The following CLVS1 variants were observed in gnomAD, a reference collection of about 807,000 sequenced individuals.
The protein encoded by CLVS1 is clavesin-1.
A neutral mutation model predicts 33.1 loss-of-function variants in CLVS1; 10 were observed. The ratio of observed to expected loss-of-function variants is 0.30; its 90% CI spans 0.19 to 0.51. The LOEUF (loss-of-function observed/expected upper bound fraction) is 0.51, where lower values mean the gene tolerates loss of function less well. CLVS1 is among the 20% of genes least tolerant of loss of function. The pLI is 0.97. For synonymous variants in CLVS1, 163 were observed against 166.1 expected (o/e 0.98, Z 0.14); for missense variants, 343 against 433.4 (o/e 0.79, Z 1.85).
At chr8:61,433,834 A>ACC (rs772633186) in intron 3 of CLVS1, among the ~76,000 whole-genome samples, 4 of 152,268 alleles carry the variant, frequency 2.6e-5, no homozygotes, top group Non-Finnish European at 4.4e-5. Flanking sequence ...GAATTGCTTA[A>ACC]ACCCAGGAAG....
At chr8:61,127,543 G>GA (rs949441933) in intron 1 of CLVS1, among the ~76,000 whole-genome samples, 1 of 151,644 alleles carries the variant, frequency 6.6e-6, no homozygotes, top group African/African-American at 2.4e-5. Context: ...TTAAGCCTCA[G>GA]AAAAAAAGTA....
chr8:61,208,079 C>A (rs144815388), intron 2 of CLVS1, among the ~76,000 whole-genome samples: 3 of 152,088 alleles, frequency 2.0e-5, no homozygotes, highest in African/African-American at 4.8e-5. Flanking sequence ...CTTTTCTCAA[C>A]GAGTCTTGGT....
At chr8:61,131,942 G>A (rs1806106938) in intron 2 of CLVS1, 1 of 152,238 alleles carries the variant, frequency 6.6e-6, no homozygotes, top group Admixed American at 6.5e-5. Flanking sequence ...TATTAATGGA[G>A]GCTCTTCCCC....
intron 1 of CLVS1, among the ~76,000 whole-genome samples, chr8:61,105,548 G>T (rs1219866508): frequency 6.6e-6 from 1 of 152,178 alleles, no homozygotes; most frequent in African/African-American, 2.4e-5. Flanking sequence ...GGAGAATGGG[G>T]CCAAGGGCAG....
At chr8:61,285,591 C>T (rs1809760081), upstream of CLVS1, among the ~76,000 whole-genome samples, 1 of 152,184 alleles carries the variant, frequency 6.6e-6, no homozygotes. Flanking sequence ...TGACCTCGCT[C>T]CTGGCACGCC....
chr8:61,142,693 C>T lies in CLVS1; in HGVS notation c.-152+10833C>T, dbSNP rs149654167. 1.1e-3 allele frequency among the ~76,000 whole-genome samples: 167 copies of T among 152,310 alleles called. 1 individual carries two copies. The highest frequency in any genetic ancestry group is 3.6e-3 in the African/African-American group (150 of 41,550). On this transcript the variant is annotated intron_variant, in intron 2 of 2. Transcript: ENST00000522621. Reference sequence around the variant, plus strand: ...AGCCACTGAACCTGAGCAAAACAGGCTTCTCATGCTTGTCTTGTCAACTTT... The same window carrying T: ...AGCCACTGAACCTGAGCAAAACAGGTTTCTCATGCTTGTCTTGTCAACTTT...
chr8:61,109,867 T>C (rs1805596213), intron 1 of CLVS1, among the ~76,000 whole-genome samples: 1 of 152,200 alleles, frequency 6.6e-6, no homozygotes, highest in Admixed American at 6.5e-5. Flanking sequence ...TGCCCTGCAC[T>C]GCCCCAGGAC....
At chr8:61,121,181 C>G (rs1336281380) in intron 1 of CLVS1, among the ~76,000 whole-genome samples, 1 of 151,976 alleles carries the variant, frequency 6.6e-6, no homozygotes, top group Non-Finnish European at 1.5e-5. Flanking sequence ...AAAGGGAACT[C>G]CCTGACCCCT....
intron 2 of CLVS1, among the ~76,000 whole-genome samples, chr8:61,374,496 C>T (rs1009141278): frequency 7.9e-5 from 12 of 152,136 alleles, no homozygotes; most frequent in African/African-American, 2.9e-4. Flanking sequence ...AATCTTTGCT[C>T]CCTTGTTCCT....
At chr8:61,042,548 A>G in the CLVS1 span, among the ~76,000 whole-genome samples, 9 of 100,792 alleles carry the variant, frequency 8.9e-5, no homozygotes, top group African/African-American at 5.5e-4. Context: ...TGGTTAGTAG[A>G]CAGTGTCTTT....
chr8:60,972,712 T>C, the CLVS1 span, among the ~76,000 whole-genome samples: 84,263 of 152,014 alleles, frequency 0.55, 23,718 homozygotes, highest in South Asian at 0.7. Context: ...GCAGGAGGAC[T>C]GTTTTCCACA....
At chr8:61,357,911 G>A (rs188005908) in intron 2 of CLVS1, among the ~76,000 whole-genome samples, 26 of 152,084 alleles carry the variant, frequency 1.7e-4, no homozygotes, top group African/African-American at 4.6e-4. Context: ...CTGTCTGACC[G>A]GGATTGATGA....
rs140778823 is a variant in CLVS1, at chr8:61,232,028, T to TGTTTGTTTGTTTG, written c.-151-67649_-151-67648insGTTTGTTTGTTTG. ...GAGCCCTGAGGAAAGTTGTGGTTTT[T>TGTTTGTTTGTTTG]TTTTTTTTTTTTTTTTTTTTTTGTG... On this transcript the variant is annotated intron_variant, in intron 2 of 2. Coordinates refer to the CLVS1 transcript ENST00000522621. Among the ~76,000 whole-genome samples, 113 of 114,798 alleles carry TGTTTGTTTGTTTG rather than the reference T, an allele frequency of 9.8e-4. 4 individuals carry two copies. The highest frequency in any genetic ancestry group is 2.4e-3 in the African/African-American group (61 of 25,298). 75.3% of individuals were successfully genotyped at this position (114,798 alleles called of 152,430 possible). A position where few individuals can be genotyped will look rare whatever the true frequency, so the allele number is the denominator to read the frequency against.
chr8:61,466,366 T>C (rs1284263089), intron 5 of CLVS1, among the ~76,000 whole-genome samples: 1 of 152,164 alleles, frequency 6.6e-6, no homozygotes, highest in Admixed American at 6.5e-5. Flanking sequence ...CAGGGGCTGA[T>C]TTCTGACTCT....
chr8:60,972,066 A>C, the CLVS1 span, among the ~76,000 whole-genome samples: 1 of 151,958 alleles, frequency 6.6e-6, no homozygotes, highest in Admixed American at 6.6e-5. Flanking sequence ...GTTCACTTCT[A>C]TGCTGGCTTT....
intron 5 of CLVS1, among the ~76,000 whole-genome samples, chr8:61,476,340 A>G (rs1266637831): frequency 2.0e-5 from 3 of 152,182 alleles, no homozygotes; most frequent in Non-Finnish European, 2.9e-5. Flanking sequence ...GAAGAAAGTC[A>G]TTGGTAGCTT....
intron 1 of CLVS1, among the ~76,000 whole-genome samples, chr8:61,059,475 C>CATATATGTATATATATATATAT (rs1554530492): frequency 4.0e-5 from 2 of 50,214 alleles, no homozygotes; most frequent in Non-Finnish European, 8.0e-5. Context: ...TACATACATA[C>CATATATGTATATATATATATAT]ATATATATAT....
At chr8:61,139,585 C>A (rs986237959) in intron 2 of CLVS1, among the ~76,000 whole-genome samples, 1 of 152,006 alleles carries the variant, frequency 6.6e-6, no homozygotes, top group Non-Finnish European at 1.5e-5. Flanking sequence ...ACCCAGGGCC[C>A]GTGCAGAAGG....
At chr8:61,082,769 G>A (rs894607785) in intron 1 of CLVS1, among the ~76,000 whole-genome samples, 1 of 152,186 alleles carries the variant, frequency 6.6e-6, no homozygotes, top group African/African-American at 2.4e-5. Flanking sequence ...GATAGGCCAG[G>A]TGCAGTTGCT....
Sources: allele counts gnomAD v4.1 joint callset (sites outside exome capture counted in the v4.1 genomes callset), GRCh38; gene constraint gnomAD v4.1.1; transcripts MANE v1.5; gene names NCBI Gene and HGNC (gene_info 2026-07-23, HGNC 2026-07-21).